The following MROH2B variants were observed in gnomAD, a reference collection of about 807,000 sequenced individuals.
The protein encoded by MROH2B is maestro heat like repeat family member 2B.
In MROH2B, 177 loss-of-function variants were observed where a neutral mutation model predicts 208.6. The observed-to-expected ratio is 0.85, with a 90% CI of 0.75 to 0.96. The LOEUF (loss-of-function observed/expected upper bound fraction) is 0.96. Ranked by LOEUF, MROH2B falls within the 40% of genes least tolerant of loss-of-function variation. The probability of loss-of-function intolerance (pLI) is 0.00; values close to 1 mark genes in which losing one functional copy is unlikely to be tolerated. For missense variants in MROH2B, 2,002 were observed against 1,878.7 expected (o/e 1.07, Z -1.21); for synonymous variants, 728 against 659.0 (o/e 1.10, Z -1.60).
chr5:41,028,509 A>G (rs567419306), intron 24 of MROH2B, among the ~76,000 whole-genome samples: 9 of 152,228 alleles, frequency 5.9e-5, no homozygotes, highest in Admixed American at 5.9e-4. Context: ...TTTATTCTCC[A>G]TTTCTGTATA....
At position 41,029,878 on chromosome 5, in the gene MROH2B, C is replaced by T. The variant is rs1742506199; in HGVS notation, c.2441+2864G>A. 3.9e-5 allele frequency among the ~76,000 whole-genome samples: 6 copies of T among 152,058 alleles called. No homozygotes were observed. In the South Asian group the frequency reaches 1.0e-3, roughly 26 times the overall value. On this transcript the variant is annotated intron_variant, in intron 24 of 41. Transcript: ENST00000399564. ...GGTACTATGCTCACTACCTGGGTGACAGATTCATTTGTACCCCAAGTCTCA... is the reference window on the plus strand; with the variant it reads ...GGTACTATGCTCACTACCTGGGTGATAGATTCATTTGTACCCCAAGTCTCA...
intron 24 of MROH2B, among the ~76,000 whole-genome samples, chr5:41,027,459 C>G (rs1047461066): frequency 2.6e-5 from 4 of 152,148 alleles, no homozygotes; most frequent in African/African-American, 9.7e-5. Flanking sequence ...CACTGGCCAT[C>G]AGAGAAATGC....
At chr5:41,054,997 T>A (rs1743401752) in intron 10 of MROH2B, among the ~76,000 whole-genome samples, 157 bp from the exon 11 acceptor site, 1 of 152,254 alleles carries the variant, frequency 6.6e-6, no homozygotes, top group African/African-American at 2.4e-5. Context: ...CCTCTTTGTT[T>A]CCAAATCTTT....
At chr5:40,999,876 G>A in intron 39 of MROH2B, 97 bp from the exon 40 acceptor site, 2 of 1,047,300 alleles carry the variant, frequency 1.9e-6, no homozygotes, top group East Asian at 2.4e-5. Flanking sequence ...GTAAAGGCCA[G>A]TGAGCACTCA....
At position 41,061,701 on chromosome 5, in the gene MROH2B, T is replaced by A. The variant is rs753440656; in HGVS notation, c.484A>T (p.Ile162Phe). The A allele has an allele frequency of 6.2e-7, 1 of 1,613,788 alleles. No individual in the cohort carries two copies. Among genetic ancestry groups the A allele is most frequent in the South Asian group, 1.1e-5 (1 of 91,046 alleles). Residue 162 changes from isoleucine to phenylalanine, a missense_variant, in exon 6 of 42, where the codon ATT (isoleucine) becomes TTT (phenylalanine). Transcript: ENST00000399564. Reference protein sequence around the residue: ...CIALEKFSKAIYKYVNHWRDF... With the variant: ...CIALEKFSKAFYKYVNHWRDF... ...CTCCAGTGGTTGACATATTTGTAAA[T>A]GGCTTTGCTGAATTTCTCAAGGGCT... is the stretch of plus-strand genomic sequence containing the variant.
At chr5:41,070,080 G>A (rs1025846832) in intron 1 of MROH2B, among the ~76,000 whole-genome samples, 5 of 152,124 alleles carry the variant, frequency 3.3e-5, no homozygotes, top group South Asian at 2.1e-4. Flanking sequence ...GAGTCAATGA[G>A]GTGAATTTCT....
At chr5:41,014,213 C>T (rs987001939) in intron 29 of MROH2B, among the ~76,000 whole-genome samples, 8 of 152,160 alleles carry the variant, frequency 5.3e-5, no homozygotes, top group African/African-American at 1.9e-4. Flanking sequence ...GTAATGTCTA[C>T]ATTATGAATG....
Position 41,007,302 on chromosome 5 carries a change from A to G in MROH2B, c.3749+12T>C. 7.4e-7 allele frequency: 1 copy of G among 1,360,374 alleles called. No homozygotes were observed. Among genetic ancestry groups the G allele is most frequent in the Non-Finnish European group, 9.6e-7 (1 of 1,046,332 alleles). 84.3% of individuals were successfully genotyped at this position (1,360,374 alleles called of 1,614,324 possible). On this transcript the variant is annotated intron_variant, in intron 34 of 41. Transcript: ENST00000399564. ...CTTCTTTGTATCTGGTTCTAGAAAA[A>G]GTGCACATTACCTGGCCAGTGAACA... is the stretch of plus-strand genomic sequence containing the variant.
In MROH2B at chr5:41,020,522, G is replaced by T. The variant is rs1450655; in HGVS notation, c.2442-1504C>A. Among the ~76,000 whole-genome samples, 220 of 152,220 alleles carry T rather than the reference G, an allele frequency of 1.4e-3. 6 individuals carry two copies. The East Asian group carries it at 0.038, about 26-fold the overall frequency. On this transcript the variant is annotated intron_variant, in intron 24 of 41. Coordinates refer to ENST00000399564, the MANE Select transcript of MROH2B (RefSeq NM_173489.5). ...CCCAGTAGGCTGAAACTCTGTCAGGGGAGGGTCATATCTTGTTCATCATTG... is the reference window on the plus strand; with the variant it reads ...CCCAGTAGGCTGAAACTCTGTCAGGTGAGGGTCATATCTTGTTCATCATTG...
Position 41,065,323 on chromosome 5 carries a change from C to A in MROH2B, c.361+8G>T. The A allele has an allele frequency of 6.2e-7, 1 of 1,606,144 alleles. No individual in the cohort carries two copies. Among genetic ancestry groups the A allele is most frequent in the Non-Finnish European group, 8.5e-7 (1 of 1,176,392 alleles). On this transcript the variant is annotated splice_region_variant and intron_variant, in intron 4 of 41. Transcript: ENST00000399564. ...CCCAGGGAAAATTGGAGAATATTCC[C>A]GCTATACCATAGCTGGTTGCCAATT...
Position 41,058,170 on chromosome 5 carries a change from C to G in MROH2B, c.649G>C (p.Val217Leu). The G allele has an allele frequency of 1.2e-6, 2 of 1,600,364 alleles. No homozygotes were observed. The highest frequency in any genetic ancestry group is 1.7e-6 in the Non-Finnish European group (2 of 1,173,092). Residue 217 changes from valine to leucine, a missense_variant, in exon 7 of 42, where the codon GTG becomes CTG. By Grantham distance (32) the Val-to-Leu change is conservative. Transcript: ENST00000399564. The part of the protein sequence containing the change: ...LSIVKAHGPT[V>L]SLLLHREDFR... ...TCTTCCCGATGCAGCAGCAAGCTCA[C>G]CGTGGGCCCGTGGGCCTTAACGATG...
intron 24 of MROH2B, among the ~76,000 whole-genome samples, chr5:41,025,191 G>C (rs1478762020): frequency 6.6e-6 from 1 of 151,854 alleles, no homozygotes; most frequent in African/African-American, 2.4e-5. Context: ...GATCAGAGCA[G>C]AACCAAAGGA....
rs541136729 is a variant in MROH2B, at chr5:41,021,188, A to G, written c.2442-2170T>C. On this transcript the variant is annotated intron_variant, in intron 24 of 41. Coordinates refer to ENST00000399564, the MANE Select transcript of MROH2B (RefSeq NM_173489.5). ...GAACAAACTGAAAAGGAAATGAACA[A>G]TTTCATTTACAGCAGCATCAAAAAG... Among the ~76,000 whole-genome samples, 148 of 152,346 alleles carry G rather than the reference A, an allele frequency of 9.7e-4. 2 individuals carry two copies. Among genetic ancestry groups the G allele is most frequent in the South Asian group, 2.7e-3 (13 of 4,832 alleles).
chr5:41,004,607 G>T (rs764938466), intron 36 of MROH2B, 79 bp from the exon 37 acceptor site: 1 of 1,520,230 alleles, frequency 6.6e-7, no homozygotes, highest in East Asian at 2.3e-5. Context: ...TCAGACAAGA[G>T]GACTGAAATT....
At position 41,071,003 on chromosome 5, in the gene MROH2B, A is replaced by G; in HGVS notation, c.-151T>C. On this transcript the variant is annotated 5_prime_UTR_variant, in exon 1 of 42. Coordinates refer to ENST00000399564, the MANE Select transcript of MROH2B (RefSeq NM_173489.5). Reference sequence around the variant, plus strand: ...GTGCCTCCTCCACTTGATTGGCACAATGGTCTGGGAGCTTCCAGAGATGGG... The same window carrying G: ...GTGCCTCCTCCACTTGATTGGCACAGTGGTCTGGGAGCTTCCAGAGATGGG... 1.4e-6 allele frequency: 1 copy of G among 692,392 alleles called. No individual in the cohort carries two copies. The highest frequency in any genetic ancestry group is 2.5e-6 in the Non-Finnish European group (1 of 401,238). The allele number at this position is 692,392 out of a possible 1,614,324, so 42.9% of individuals were successfully genotyped here.
chr5:41,067,928 AAG>A (rs1466340561), intron 2 of MROH2B, among the ~76,000 whole-genome samples: 6 of 152,174 alleles, frequency 3.9e-5, no homozygotes, highest in Non-Finnish European at 8.8e-5. Context: ...GTAACTCCCC[AAG>A]AGGCTGCTAG....
intron 24 of MROH2B, among the ~76,000 whole-genome samples, chr5:41,027,833 A>G (rs557757742): frequency 7.9e-5 from 12 of 152,326 alleles, no homozygotes; most frequent in African/African-American, 2.9e-4. Context: ...TGTGGCACAT[A>G]TACACCATGG....
chr5:41,051,847 A>AT (rs1180153186), intron 12 of MROH2B, among the ~76,000 whole-genome samples: 1 of 152,168 alleles, frequency 6.6e-6, no homozygotes, highest in Non-Finnish European at 1.5e-5. Flanking sequence ...TTTTTAAAGG[A>AT]TTTTAAAAGC....
At chr5:41,008,345 C>T (rs1741659682) in intron 33 of MROH2B, among the ~76,000 whole-genome samples, 1 of 151,984 alleles carries the variant, frequency 6.6e-6, no homozygotes, top group Non-Finnish European at 1.5e-5. Context: ...TGATAGAAAC[C>T]AAAGATAATA....
Sources: gnomAD v4.1 joint callset for allele counts (sites outside exome capture counted in the v4.1 genomes callset) on GRCh38, gnomAD v4.1.1 for gene constraint, MANE v1.5 for transcripts, NCBI Gene and HGNC (gene_info 2026-07-23, HGNC 2026-07-21) for gene names.